The following NKAIN2 variants were observed in gnomAD, a reference collection of about 807,000 sequenced individuals.
NKAIN2 encodes the protein sodium/potassium-transporting ATPase subunit beta-1-interacting protein 2.
In NKAIN2, 14 loss-of-function variants were observed where a neutral mutation model predicts 32.6. That is an observed-to-expected ratio of 0.43 (90% confidence interval 0.28 to 0.67). The LOEUF is 0.67. Ranked by LOEUF, NKAIN2 falls within the 30% of genes least tolerant of loss-of-function variation. The pLI is 0.17. For synonymous variants in NKAIN2, 80 were observed against 87.2 expected, an observed-to-expected ratio of 0.92 and a Z score of 0.46; for missense variants, 198 against 258.3, an observed-to-expected ratio of 0.77 and a Z score of 1.60.
intron 4 of NKAIN2, among the ~76,000 whole-genome samples, chr6:124,741,765 A>G (rs577725611): frequency 4.0e-5 from 6 of 151,832 alleles, no homozygotes; most frequent in Non-Finnish European, 5.9e-5. Flanking sequence ...TACTCCATTT[A>G]TGTGTCTTTT....
intron 4 of NKAIN2, among the ~76,000 whole-genome samples, chr6:124,766,028 A>T (rs137922104): frequency 6.6e-6 from 1 of 152,322 alleles, no homozygotes; most frequent in Non-Finnish European, 1.5e-5. Context: ...CATGTTTTGC[A>T]TTCTACACTT....
At chr6:124,607,110 T>A (rs1282014498) in intron 3 of NKAIN2, among the ~76,000 whole-genome samples, 1 of 152,158 alleles carries the variant, frequency 6.6e-6, no homozygotes, top group Non-Finnish European at 1.5e-5. Flanking sequence ...AAACTTGGAA[T>A]GCTATAAATA....
chr6:123,891,907 G>GA (rs1774037172), intron 1 of NKAIN2, among the ~76,000 whole-genome samples: 3 of 152,128 alleles, frequency 2.0e-5, no homozygotes, highest in Admixed American at 1.3e-4. Context: ...CCATGAAGCA[G>GA]GGCTCTGATA....
chr6:124,781,270 G>A (rs1467743430), intron 4 of NKAIN2, among the ~76,000 whole-genome samples: 1 of 152,074 alleles, frequency 6.6e-6, no homozygotes, highest in Non-Finnish European at 1.5e-5. Context: ...TCTTGGGAGA[G>A]CACTATATAA....
chr6:124,631,801 G>A (rs1277737177), intron 3 of NKAIN2, among the ~76,000 whole-genome samples: 2 of 152,012 alleles, frequency 1.3e-5, no homozygotes, highest in African/African-American at 4.8e-5. Context: ...AAATGCTCTC[G>A]AGGTTCCCCA....
intron 4 of NKAIN2, among the ~76,000 whole-genome samples, chr6:124,695,861 T>C (rs1406778869): frequency 6.6e-6 from 1 of 152,198 alleles, no homozygotes; most frequent in Admixed American, 6.5e-5. Context: ...TAAAGACTGG[T>C]TAACAAGAGA....
intron 3 of NKAIN2, among the ~76,000 whole-genome samples, chr6:124,385,876 G>GA (rs2114393400): frequency 6.6e-6 from 1 of 151,664 alleles, no homozygotes; most frequent in Non-Finnish European, 1.5e-5. Context: ...AAAAGTTCAT[G>GA]AAAAATAGAA....
In NKAIN2 at chr6:124,823,321, G is replaced by A; in HGVS notation, c.*92G>A. 1 of 862,662 alleles carries A rather than the reference G, an allele frequency of 1.2e-6. No homozygotes were observed. The highest frequency in any genetic ancestry group is 1.7e-5 in the Admixed American group (1 of 58,646). The allele number at this position is 862,662 out of a possible 1,614,324, so 53.4% of individuals were successfully genotyped here. On this transcript the variant is annotated 3_prime_UTR_variant, in exon 7 of 7. Transcript: ENST00000368417. Reference sequence around the variant, plus strand: ...ATTTCATGAAGAGCAAGAAGCAACTGAGTTTAAATACATACACGTATTAAC... The same window carrying A: ...ATTTCATGAAGAGCAAGAAGCAACTAAGTTTAAATACATACACGTATTAAC...
chr6:124,552,629 C>T (rs1175023462), intron 3 of NKAIN2, among the ~76,000 whole-genome samples: 1 of 152,126 alleles, frequency 6.6e-6, no homozygotes, highest in Non-Finnish European at 1.5e-5. Context: ...TGTAGCCAAG[C>T]CAATGAAGTC....
chr6:123,940,182 A>G (rs1413828458), intron 1 of NKAIN2, among the ~76,000 whole-genome samples: 1 of 151,950 alleles, frequency 6.6e-6, no homozygotes, highest in African/African-American at 2.4e-5. Context: ...ATTCCAGTTT[A>G]GTTGGCCAGG....
intron 1 of NKAIN2, among the ~76,000 whole-genome samples, chr6:123,960,344 T>A (rs1777788142): frequency 6.6e-6 from 1 of 152,162 alleles, no homozygotes; most frequent in African/African-American, 2.4e-5. Flanking sequence ...TGTCATCACT[T>A]GCTTTGTGGA....
At chr6:124,368,646 A>G (rs1342644442) in intron 3 of NKAIN2, among the ~76,000 whole-genome samples, 1 of 152,092 alleles carries the variant, frequency 6.6e-6, no homozygotes, top group Non-Finnish European at 1.5e-5. Flanking sequence ...GGTCCTCCCA[A>G]AGAGCAATGA....
At chr6:123,858,395 C>T (rs552784153) in intron 1 of NKAIN2, among the ~76,000 whole-genome samples, 15 of 152,224 alleles carry the variant, frequency 9.9e-5, no homozygotes, top group African/African-American at 2.2e-4. Context: ...GGATTACAGG[C>T]GTGAGTCACT....
intron 4 of NKAIN2, among the ~76,000 whole-genome samples, chr6:124,693,592 A>T (rs1774359942): frequency 6.6e-6 from 1 of 152,200 alleles, no homozygotes; most frequent in African/African-American, 2.4e-5. Flanking sequence ...TCACCCTTGG[A>T]AGATGAGAGA....
intron 1 of NKAIN2, among the ~76,000 whole-genome samples, chr6:123,999,459 A>G (rs1015970042): frequency 2.6e-5 from 4 of 152,150 alleles, no homozygotes; most frequent in Non-Finnish European, 5.9e-5. Context: ...ACCGTAACTG[A>G]AATTCCTACA....
chr6:124,174,157 G>T (rs952848943), intron 1 of NKAIN2, among the ~76,000 whole-genome samples: 1 of 152,084 alleles, frequency 6.6e-6, no homozygotes, highest in Non-Finnish European at 1.5e-5. Context: ...ATATGAGCGA[G>T]GTGGTACATA....
intron 1 of NKAIN2, among the ~76,000 whole-genome samples, chr6:124,277,428 CGTGTGTGTGTGTGT>C (rs56300244): frequency 1.4e-5 from 2 of 145,218 alleles, no homozygotes; most frequent in Non-Finnish European, 3.1e-5. Flanking sequence ...GTCTGTGTGT[CGTGTGTGTGTGTGT>C]GTGTGTGTGT....
chr6:124,639,343 T>TAAGAAAATACG (rs1227504400), intron 3 of NKAIN2, among the ~76,000 whole-genome samples: 1 of 152,198 alleles, frequency 6.6e-6, no homozygotes, highest in Non-Finnish European at 1.5e-5. Flanking sequence ...GATTAATAGA[T>TAAGAAAATACG]AAGAAAATAC....
At chr6:124,363,324 A>C (rs1229644196) in intron 3 of NKAIN2, among the ~76,000 whole-genome samples, 1 of 152,192 alleles carries the variant, frequency 6.6e-6, no homozygotes, top group Non-Finnish European at 1.5e-5. Flanking sequence ...TTCGAAAAAG[A>C]TGAGCTAACT....
Sources: gnomAD v4.1 joint callset for allele counts (sites outside exome capture counted in the v4.1 genomes callset) on GRCh38, gnomAD v4.1.1 for gene constraint, MANE v1.5 for transcripts, NCBI Gene and HGNC (gene_info 2026-07-23, HGNC 2026-07-21) for gene names.